The following WDFY4 variants were observed in gnomAD, a reference collection of about 807,000 sequenced individuals.
The protein encoded by WDFY4 is WDFY family member 4.
WDFY4 carries 169 observed loss-of-function variants against 351.9 expected under a neutral mutation model. The observed-to-expected ratio is 0.48, with a 90% confidence interval of 0.42 to 0.55. The LOEUF (loss-of-function observed/expected upper bound fraction) is 0.55, where lower values mean the gene tolerates loss of function less well. WDFY4 is among the 20% of genes least tolerant of loss of function. The probability of loss-of-function intolerance (pLI) is 0.00; values close to 1 mark genes in which losing one functional copy is unlikely to be tolerated. For synonymous variants in WDFY4, 1,622 were observed against 1,574.6 expected (o/e 1.03, Z -0.71); for missense variants, 3,803 against 3,935.6 (o/e 0.97, Z 0.90).
At chr10:48,787,807 C>CTCCTCTTCTTCTTCTTCT (rs796166984) in intron 20 of WDFY4, among the ~76,000 whole-genome samples, 995 of 76,684 alleles carry the variant, frequency 0.013, 93 homozygotes, top group East Asian at 0.023. Flanking sequence ...CCTCCTCCTC[C>CTCCTCTTCTTCTTCTTCT]TCTTCTTCTT....
intron 39 of WDFY4, among the ~76,000 whole-genome samples, chr10:48,834,099 C>T (rs1827760048): frequency 6.6e-6 from 1 of 152,186 alleles, no homozygotes; most frequent in Admixed American, 6.5e-5. Context: ...AAGCACATGT[C>T]TTATTCAGGC....
chr10:48,957,286 A>G lies in WDFY4; in HGVS notation c.8131+4A>G, dbSNP rs1281449930. On this transcript the variant is annotated splice_donor_region_variant and intron_variant, in intron 52 of 61. Coordinates refer to ENST00000325239, the MANE Select transcript of WDFY4 (RefSeq NM_001394531.1). ...AACTGCAACGGGGTAGAGTTCGGTAAGTGGAGGCCTGGTGAGGCCGGGTGA... is the reference window on the plus strand; with the variant it reads ...AACTGCAACGGGGTAGAGTTCGGTAGGTGGAGGCCTGGTGAGGCCGGGTGA... 1.3e-6 allele frequency: 2 copies of G among 1,550,178 alleles called. No homozygotes were observed. The highest frequency in any genetic ancestry group is 8.7e-7 in the Non-Finnish European group (1 of 1,145,760).
chr10:48,709,014 C>T (rs180818810), intron 1 of WDFY4, among the ~76,000 whole-genome samples: 17 of 151,682 alleles, frequency 1.1e-4, no homozygotes, highest in African/African-American at 3.2e-4. Flanking sequence ...AACACCCCCC[C>T]CCCCCAAACA....
chr10:48,827,883 T>C (rs1378760111), intron 36 of WDFY4, among the ~76,000 whole-genome samples: 2 of 131,784 alleles, frequency 1.5e-5, no homozygotes, highest in African/African-American at 7.0e-5. Context: ...GTGGTTTAAT[T>C]TGGGGAAGTT....
At chr10:48,734,523 C>CATATATATATATATATATATATATATAT (rs10653287) in intron 10 of WDFY4, among the ~76,000 whole-genome samples, 6 of 144,950 alleles carry the variant, frequency 4.1e-5, no homozygotes, top group African/African-American at 1.5e-4. Flanking sequence ...ATAATATGTG[C>CATATATATATATATATATATATATATAT]ATATATATAT....
chr10:48,702,314 C>T (rs1366827263), intron 1 of WDFY4, among the ~76,000 whole-genome samples: 1 of 152,182 alleles, frequency 6.6e-6, no homozygotes, highest in African/African-American at 2.4e-5. Context: ...AAAGCCCACA[C>T]ACTCCTCCTT....
chr10:48,703,890 G>A (rs1474425611), intron 1 of WDFY4, among the ~76,000 whole-genome samples: 9 of 152,150 alleles, frequency 5.9e-5, no homozygotes, highest in Non-Finnish European at 8.8e-5. Context: ...TGCAGGGTGG[G>A]TGGGGTGCAG....
At position 48,743,171 on chromosome 10, in the gene WDFY4, G is replaced by C. The variant is rs994405169; in HGVS notation, c.2082G>C (p.Trp694Cys). The C allele has an allele frequency of 1.9e-6, 3 of 1,551,584 alleles. No homozygotes were observed. The African/African-American group carries it at 4.1e-5, about 21-fold the overall frequency. The change falls in exon 12 of 62, where the codon TGG (tryptophan) becomes TGC (cysteine). Residue 694 changes from tryptophan to cysteine, a missense_variant. Transcript: ENST00000325239. The stretch of plus-strand genomic sequence containing the variant: ...GTGCTGTGTCCGCAGCGCTGCACTG[G>C]GACCCTGTCAATGGCTACTTCTTCA... ...TLCAVSAALH[W>C]DPVNGYFFRR...
chr10:48,733,882 A>T, intron 9 of WDFY4, 49 bp from the exon 10 acceptor site: 1 of 1,517,434 alleles, frequency 6.6e-7, no homozygotes, highest in Non-Finnish European at 9.0e-7. Context: ...ATTTGCGGTC[A>T]TACCACATGT....
chr10:48,726,759 G>A (rs1453664138), intron 6 of WDFY4, among the ~76,000 whole-genome samples: 1 of 152,202 alleles, frequency 6.6e-6, no homozygotes, highest in East Asian at 1.9e-4. Context: ...GGCTGAGCTT[G>A]CATTATCTCA....
At chr10:48,724,669 T>C (rs905530379) in intron 5 of WDFY4, among the ~76,000 whole-genome samples, 6 of 152,074 alleles carry the variant, frequency 3.9e-5, no homozygotes, top group Admixed American at 3.3e-4. Flanking sequence ...GTTACTTCAT[T>C]TCACAAAAAT....
At chr10:48,856,041 G>A (rs1273166901) in intron 39 of WDFY4, among the ~76,000 whole-genome samples, 3 of 151,994 alleles carry the variant, frequency 2.0e-5, no homozygotes, top group Non-Finnish European at 4.4e-5. Flanking sequence ...AGAGACTATT[G>A]TAACTATATT....
At chr10:48,969,029 C>A in intron 55 of WDFY4, 35 bp from the exon 56 acceptor site, 1 of 1,544,150 alleles carries the variant, frequency 6.5e-7, no homozygotes, top group African/African-American at 1.4e-5. Flanking sequence ...TGCTGTTCTT[C>A]CATGCATAAG....
At chr10:48,952,622 C>T (rs187977569) in intron 51 of WDFY4, among the ~76,000 whole-genome samples, 14 of 152,244 alleles carry the variant, frequency 9.2e-5, no homozygotes, top group South Asian at 4.1e-4. Context: ...AAAGGAGATA[C>T]GACATGAGCC....
At chr10:48,903,751 G>A (rs1165379953) in intron 47 of WDFY4, among the ~76,000 whole-genome samples, 1 of 150,756 alleles carries the variant, frequency 6.6e-6, no homozygotes, top group Non-Finnish European at 1.5e-5. Flanking sequence ...AGACATCATG[G>A]AGCTATTGGG....
At chr10:48,706,655 G>A (rs568349600) in intron 1 of WDFY4, among the ~76,000 whole-genome samples, 21 of 152,288 alleles carry the variant, frequency 1.4e-4, no homozygotes, top group East Asian at 1.2e-3. Flanking sequence ...AGGAGCAGCC[G>A]TTTGGAAATA....
chr10:48,860,747 A>G (rs1022287349), intron 39 of WDFY4, among the ~76,000 whole-genome samples: 4 of 152,182 alleles, frequency 2.6e-5, no homozygotes, highest in African/African-American at 9.6e-5. Context: ...AATTTAATGT[A>G]TTTTTTAAAA....
intron 12 of WDFY4, among the ~76,000 whole-genome samples, chr10:48,760,029 C>A (rs2065454181): frequency 6.6e-6 from 1 of 151,994 alleles, no homozygotes; most frequent in Non-Finnish European, 1.5e-5. Context: ...GAAACCAGAG[C>A]TTCTCAATCT....
rs373576698 is a variant in WDFY4, at chr10:48,806,025, C to T, written c.4668C>T (p.Tyr1556=). The part of the protein sequence containing the change: ...DLLRIGLFVV[Y]TLKPSSVNER... ...AAAGGATTGGGCTGTTTGTTGTGTACACCCTCAAGCCTTCGTCGGTGAATG... is the reference window on the plus strand; with the variant it reads ...AAAGGATTGGGCTGTTTGTTGTGTATACCCTCAAGCCTTCGTCGGTGAATG... The change falls in exon 27 of 62, where the codon TAC becomes TAT. Residue 1556 remains tyrosine (Y), a synonymous_variant. Coordinates refer to ENST00000325239, the MANE Select transcript of WDFY4 (RefSeq NM_001394531.1). The T allele has an allele frequency of 1.3e-6, 2 of 1,551,696 alleles. No homozygotes were observed. The highest frequency in any genetic ancestry group is 2.4e-5 in the East Asian group (1 of 40,914).
Sources: allele counts gnomAD v4.1 joint callset (sites outside exome capture counted in the v4.1 genomes callset), GRCh38; gene constraint gnomAD v4.1.1; transcripts MANE v1.5; gene names NCBI Gene and HGNC (gene_info 2026-07-23, HGNC 2026-07-21).